The following AFP variants were observed in gnomAD, a reference collection of about 807,000 sequenced individuals.
AFP encodes alpha fetoprotein, also known as alpha-fetoprotein.
A neutral mutation model predicts 78.9 loss-of-function variants in AFP; 64 were observed. The ratio of observed to expected loss-of-function variants is 0.81; its 90% CI spans 0.66 to 1.00. The LOEUF (loss-of-function observed/expected upper bound fraction) is 1.00, where lower values mean the gene tolerates loss of function less well. AFP is among the 50% of genes least tolerant of loss of function. The probability of loss-of-function intolerance (pLI) is 0.00; values close to 1 mark genes in which losing one functional copy is unlikely to be tolerated. For missense variants in AFP, 689 were observed against 703.8 expected (o/e 0.98, Z 0.24); for synonymous variants, 254 against 243.8 (o/e 1.04, Z -0.39).
intron 11 of AFP, among the ~76,000 whole-genome samples, chr4:73,451,914 A>AAAC (rs1339680854): frequency 2.0e-5 from 3 of 152,238 alleles, no homozygotes; most frequent in African/African-American, 7.2e-5. Flanking sequence ...AAAAACCCAC[A>AAAC]AAATTGCTCT....
At chr4:73,453,282 G>A (rs532382983) in intron 12 of AFP, among the ~76,000 whole-genome samples, 17 of 152,326 alleles carry the variant, frequency 1.1e-4, no homozygotes, top group African/African-American at 4.1e-4. Flanking sequence ...GTTCTGGCAA[G>A]CTTTTTCTAT....
intron 2 of AFP, 125 bp from the exon 3 acceptor site, chr4:73,438,049 A>G: frequency 1.5e-6 from 2 of 1,359,516 alleles, no homozygotes; most frequent in South Asian, 2.7e-5. Flanking sequence ...AATTTTACAA[A>G]TCAAATGTCT....
At chr4:73,440,570 G>T in intron 3 of AFP, 32 bp from the exon 4 acceptor site, 2 of 1,556,912 alleles carry the variant, frequency 1.3e-6, no homozygotes, top group Non-Finnish European at 1.8e-6. Context: ...AAAGTTAGTT[G>T]TCTTTCTCCA....
chr4:73,444,231 G>T (rs1719756577), intron 6 of AFP, among the ~76,000 whole-genome samples: 1 of 152,058 alleles, frequency 6.6e-6, no homozygotes, highest in Non-Finnish European at 1.5e-5. Context: ...ATTAGAAATT[G>T]AAAGATTAAT....
intron 7 of AFP, among the ~76,000 whole-genome samples, chr4:73,446,857 A>G (rs1432775928): frequency 6.6e-6 from 1 of 152,236 alleles, no homozygotes; most frequent in Non-Finnish European, 1.5e-5. Flanking sequence ...GATTTAGCTT[A>G]CAACTATGGA....
At chr4:73,442,670 A>C (rs1719704029) in intron 5 of AFP, among the ~76,000 whole-genome samples, 1 of 152,170 alleles carries the variant, frequency 6.6e-6, no homozygotes, top group Admixed American at 6.5e-5. Flanking sequence ...TAAAGAAGGA[A>C]AGACAGACAG....
intron 11 of AFP, among the ~76,000 whole-genome samples, chr4:73,451,978 T>G (rs950705476): frequency 3.3e-5 from 5 of 152,232 alleles, no homozygotes; most frequent in African/African-American, 1.2e-4. Flanking sequence ...CATGTGTATA[T>G]GTATGTGAAT....
intron 4 of AFP, 121 bp from the exon 5 acceptor site, chr4:73,442,175 T>C: frequency 9.6e-7 from 1 of 1,037,758 alleles, no homozygotes; most frequent in East Asian, 2.6e-5. Flanking sequence ...AAAGACAAAG[T>C]CAAATGCATT....
At chr4:73,446,213 C>A (rs1046640854) in intron 7 of AFP, among the ~76,000 whole-genome samples, 5 of 152,124 alleles carry the variant, frequency 3.3e-5, no homozygotes, top group Admixed American at 3.3e-4. Flanking sequence ...ACTTGTTTTT[C>A]TTCTAAAAAT....
At chr4:73,446,115 G>A (rs1234143196) in intron 7 of AFP, among the ~76,000 whole-genome samples, 1 of 152,182 alleles carries the variant, frequency 6.6e-6, no homozygotes, top group Non-Finnish European at 1.5e-5. Context: ...AAGAAGCCAA[G>A]GCTGCAGAGG....
chr4:73,438,196 T>A lies in AFP; in HGVS notation c.160T>A (p.Phe54Ile). The part of the protein sequence containing the change: ...ADLATIFFAQ[F>I]VQEATYKEVS... ...CAGGGCTACCATATTTTTTGCCCAG[T>A]TTGTTCAAGAAGCCACTTACAAGGA... The change falls in exon 3 of 15, where the codon TTT (phenylalanine) becomes ATT (isoleucine). Residue 54 changes from phenylalanine (F) to isoleucine (I), a missense_variant. Transcript: ENST00000395792. The A allele has an allele frequency of 6.2e-7, 1 of 1,613,416 alleles. No homozygotes were observed. The highest frequency in any genetic ancestry group is 8.5e-7 in the Non-Finnish European group (1 of 1,179,492).
intron 4 of AFP, 102 bp downstream of exon 4, chr4:73,440,915 TATA>T: frequency 9.0e-7 from 1 of 1,106,156 alleles, no homozygotes; most frequent in Non-Finnish European, 1.3e-6. Flanking sequence ...CAGTAAGAGG[TATA>T]ATGTTTCTTT....
rs775242956 is a variant in AFP at position 73,443,340 on chromosome 4, C to T, written c.616-7C>T. 1.2e-6 allele frequency: 2 copies of T among 1,604,364 alleles called. No homozygotes were observed. Among genetic ancestry groups the T allele is most frequent in the Non-Finnish European group, 1.7e-6 (2 of 1,171,244 alleles). On this transcript the variant is annotated splice_region_variant and splice_polypyrimidine_tract_variant and intron_variant, in intron 5 of 14. Coordinates refer to ENST00000395792, the MANE Select transcript of AFP (RefSeq NM_001134.3). ...CTTTCATGACATTTTGTTTCCTCTACATCTAGGCAGCAACAGTTACAAAAG... is the reference window on the plus strand; with the variant it reads ...CTTTCATGACATTTTGTTTCCTCTATATCTAGGCAGCAACAGTTACAAAAG...
At chr4:73,449,148 T>C (rs1176101234) in intron 8 of AFP, among the ~76,000 whole-genome samples, 187 bp from the exon 9 acceptor site, 2 of 152,152 alleles carry the variant, frequency 1.3e-5, no homozygotes, top group Non-Finnish European at 2.9e-5. Context: ...TACAGGACAA[T>C]TTGAAGGATC....
rs570872425 is a variant in AFP, at chr4:73,442,098, T to A, written c.483-198T>A. Among the ~76,000 whole-genome samples the A allele has an allele frequency of 1.7e-3, 256 of 152,300 alleles. 2 individuals are homozygous for A. Among genetic ancestry groups the A allele is most frequent in the African/African-American group, 5.6e-3 (234 of 41,572 alleles). On this transcript the variant is annotated intron_variant, in intron 4 of 14. Transcript: ENST00000395792. ...CTGTCAGATATTTTTCCCCCCAGGA[T>A]CTTTAGTGAGGAAAATTTTGACAAC...
chr4:73,446,604 CATT>C (rs1719833711), intron 7 of AFP, among the ~76,000 whole-genome samples: 1 of 147,092 alleles, frequency 6.8e-6, no homozygotes, highest in Non-Finnish European at 1.5e-5. Context: ...AGATGATTAT[CATT>C]CTTACGGAAT....
chr4:73,448,480 C>G (rs72501279), intron 8 of AFP, among the ~76,000 whole-genome samples: 46 of 150,204 alleles, frequency 3.1e-4, no homozygotes, highest in South Asian at 8.4e-4. Context: ...AGATATTACT[C>G]TATTATTGCA....
rs1451546504 is a variant in AFP at position 73,440,696 on chromosome 4, A to G, written c.365A>G (p.His122Arg). 2 of 1,614,228 alleles carry G rather than the reference A, an allele frequency of 1.2e-6. No individual in the cohort carries two copies. Among genetic ancestry groups the G allele is most frequent in the Non-Finnish European group, 1.7e-6 (2 of 1,180,032 alleles). The stretch of plus-strand genomic sequence containing the variant: ...TGCAGCCAAAGTGAAGAGGGAAGAC[A>G]TAACTGTTTTCTTGCACACAAAAAG... ...DCCSQSEEGR[H>R]NCFLAHKKPT... is the part of the protein sequence containing the mutation. Residue 122 changes from histidine (H) to arginine (R), a missense_variant, in exon 4 of 15, where the codon CAT (histidine) becomes CGT (arginine). Physicochemically the swap from His to Arg is conservative, Grantham distance 29 (BLOSUM62 0). Transcript: ENST00000395792.
rs1720131443 is a variant in AFP at position 73,455,476 on chromosome 4, C to A, written c.*11-155C>A. On this transcript the variant is annotated intron_variant, in intron 14 of 14. Transcript: ENST00000395792. ...ATGTTAAATTAGTGGCTCAACTATG[C>A]AAAATCCTTTTTGGTTATTTAAAAG... 2.8e-5 allele frequency: 18 copies of A among 643,146 alleles called. No individual in the cohort carries two copies. The South Asian group carries it at 3.2e-4, about 11-fold the overall frequency. The allele number at this position is 643,146 out of a possible 1,614,324, so 39.8% of individuals were successfully genotyped here. A position where few individuals can be genotyped will look rare whatever the true frequency, so the allele number is the denominator to read the frequency against.
Sources: gnomAD v4.1 joint callset for allele counts (sites outside exome capture counted in the v4.1 genomes callset) on GRCh38, gnomAD v4.1.1 for gene constraint, MANE v1.5 for transcripts, NCBI Gene and HGNC (gene_info 2026-07-23, HGNC 2026-07-21) for gene names.